Variants in SPATA13 observed in about 807,000 individuals in gnomAD.
The protein encoded by SPATA13 is spermatogenesis associated 13.
A neutral mutation model predicts 104.0 loss-of-function variants in SPATA13; 50 were observed. The ratio of observed to expected loss-of-function variants is 0.48; its 90% CI spans 0.38 to 0.61. SPATA13 has a LOEUF of 0.61. Ranked by LOEUF, SPATA13 falls within the 20% of genes least tolerant of loss-of-function variation. The pLI, the probability that SPATA13 is intolerant of heterozygous loss-of-function variation, is 0.00. For missense variants in SPATA13, 1,524 were observed against 1,690.6 expected (o/e 0.90, Z 1.73); for synonymous variants, 606 against 667.5 (o/e 0.91, Z 1.42).
intron 1 of SPATA13, among the ~76,000 whole-genome samples, chr13:24,181,457 C>G (rs374459486): frequency 6.6e-6 from 1 of 152,100 alleles, no homozygotes; most frequent in Admixed American, 6.5e-5. Context: ...TAGCCTTATT[C>G]TTCTCTACTG....
chr13:24,080,533 C>T (rs886688686), intron 3 of SPATA13, among the ~76,000 whole-genome samples: 5 of 152,218 alleles, frequency 3.3e-5, no homozygotes, highest in Non-Finnish European at 7.3e-5. Flanking sequence ...TGCGCACACA[C>T]AGCAGGTGGG....
intron 1 of SPATA13, among the ~76,000 whole-genome samples, chr13:24,212,931 T>C (rs949664514): frequency 3.3e-5 from 5 of 152,196 alleles, no homozygotes; most frequent in Non-Finnish European, 5.9e-5. Context: ...AGATGTACCA[T>C]GAGGATAGGC....
Position 24,286,071 on chromosome 13 carries a change from A to T in SPATA13, c.2302-143A>T. ...CTGGGTTCTCTTTGTGTAACCAGTCACATAGTCAGTGTGGACCAAATGCCA... is the reference window on the plus strand; with the variant it reads ...CTGGGTTCTCTTTGTGTAACCAGTCTCATAGTCAGTGTGGACCAAATGCCA... On this transcript the variant is annotated intron_variant, in intron 5 of 12. Coordinates refer to ENST00000382108, the MANE Select transcript of SPATA13 (RefSeq NM_001166271.3). The surrounding 1 kb of genome is among the most constrained non-coding windows in gnomAD (Gnocchi z 4.9). The T allele has an allele frequency of 2.9e-6, 2 of 700,842 alleles. No individual in the cohort carries two copies. Among genetic ancestry groups the T allele is most frequent in the Non-Finnish European group, 4.6e-6 (2 of 432,114 alleles). The allele number at this position is 700,842 out of a possible 1,614,324, so 43.4% of individuals were successfully genotyped here. A position where few individuals can be genotyped will look rare whatever the true frequency, so the allele number is the denominator to read the frequency against.
chr13:24,228,295 T>G (rs1872069202), intron 2 of SPATA13, among the ~76,000 whole-genome samples: 1 of 152,022 alleles, frequency 6.6e-6, no homozygotes, highest in Non-Finnish European at 1.5e-5. Flanking sequence ...TTCTATTTTT[T>G]TAGTAGAGAC....
upstream of SPATA13, among the ~76,000 whole-genome samples, chr13:24,157,447 C>T (rs79380529): frequency 2.0e-3 from 311 of 152,230 alleles, 2 homozygotes; most frequent in African/African-American, 6.2e-3. Flanking sequence ...TACAGGCGCC[C>T]GCCACCACGC....
chr13:24,038,689 C>T (rs1167303773), intron 3 of SPATA13, among the ~76,000 whole-genome samples: 5 of 152,134 alleles, frequency 3.3e-5, no homozygotes, highest in South Asian at 4.2e-4. Flanking sequence ...GTTGGCCCCT[C>T]GCATCCAAAC....
intron 3 of SPATA13, among the ~76,000 whole-genome samples, chr13:24,069,319 C>T (rs1263038740): frequency 1.3e-5 from 2 of 152,106 alleles, no homozygotes; most frequent in African/African-American, 2.4e-5. Flanking sequence ...TGTAGTTCTC[C>T]TTGTAAAGAT....
rs374428341 is a variant in SPATA13, at chr13:24,026,670, C to T, written c.-112+8969C>T. ...TCAGCTCACTGCAAGCTCCGCCTCC[C>T]GGGTTCACGCCATTCTTCTGCCTCA... On this transcript the variant is annotated intron_variant, in intron 3 of 14. Transcript: ENST00000424834. Among the ~76,000 whole-genome samples the T allele has an allele frequency of 9.2e-4, 140 of 152,280 alleles. 2 individuals are homozygous for T. The East Asian group carries it at 0.024, about 26-fold the overall frequency.
intron 11 of SPATA13, among the ~76,000 whole-genome samples, chr13:24,298,571 G>A (rs73455753): frequency 1.3e-3 from 204 of 152,252 alleles, no homozygotes; most frequent in African/African-American, 4.8e-3. Context: ...ACAATCTGTT[G>A]AATGGAAGTC....
At chr13:24,293,413 G>T (rs940417195) in intron 9 of SPATA13, among the ~76,000 whole-genome samples, 1 of 152,246 alleles carries the variant, frequency 6.6e-6, no homozygotes, top group Non-Finnish European at 1.5e-5. Context: ...AAAGACGTGG[G>T]CAGGCAGCTT....
intron 3 of SPATA13, among the ~76,000 whole-genome samples, chr13:24,055,436 G>T (rs956507762): frequency 2.0e-5 from 3 of 152,186 alleles, no homozygotes; most frequent in African/African-American, 7.2e-5. Context: ...GATGGAGGAT[G>T]GTAACAGGAC....
intron 3 of SPATA13, among the ~76,000 whole-genome samples, chr13:24,092,716 C>A (rs78885470): frequency 6.6e-6 from 1 of 152,174 alleles, no homozygotes; most frequent in African/African-American, 2.4e-5. Flanking sequence ...TTTCAAACTG[C>A]CACATTTGGC....
chr13:24,006,912 G>T (rs1876259385), intron 2 of SPATA13, among the ~76,000 whole-genome samples: 1 of 152,228 alleles, frequency 6.6e-6, no homozygotes, highest in Non-Finnish European at 1.5e-5. Flanking sequence ...CTCTCTGGAA[G>T]GAGGATGCTG....
At chr13:24,124,908 TG>T (rs1881159982) in intron 3 of SPATA13, among the ~76,000 whole-genome samples, 1 of 152,192 alleles carries the variant, frequency 6.6e-6, no homozygotes, top group Non-Finnish European at 1.5e-5. Flanking sequence ...CCTGCCTGCC[TG>T]CCTAGATCTG....
rs771913988 is a variant in SPATA13, at chr13:24,302,706, C to T, written c.3767C>T (p.Ala1256Val). ...CCCCAGCAGCAGGTCTTTGGCCTGG[C>T]GGAACCCAAGAGGAAGTCCTCGCTC... ...SVPQQQVFGL[A>V]EPKRKSSLFW... Residue 1256 changes from alanine to valine, a missense_variant, in exon 13 of 13, where the codon GCG becomes GTG. By Grantham distance (64) the Ala-to-Val change is moderately conservative. Coordinates refer to ENST00000382108, the MANE Select transcript of SPATA13 (RefSeq NM_001166271.3). The T allele has an allele frequency of 6.8e-6, 11 of 1,614,092 alleles. No individual in the cohort carries two copies. In the East Asian group the frequency reaches 8.9e-5, roughly 13 times the overall value.
intron 2 of SPATA13, among the ~76,000 whole-genome samples, chr13:23,995,103 G>A (rs1875616735): frequency 6.6e-6 from 1 of 152,140 alleles, no homozygotes; most frequent in Non-Finnish European, 1.5e-5. Context: ...CAAACACAAT[G>A]TCCAAAAATG....
intron 1 of SPATA13, among the ~76,000 whole-genome samples, chr13:24,170,861 A>G (rs1489434604): frequency 6.6e-6 from 1 of 152,056 alleles, no homozygotes; most frequent in East Asian, 1.9e-4. Flanking sequence ...TCCGAAAAGT[A>G]TAGGTTTATA....
chr13:24,185,942 T>G (rs1869124651), intron 1 of SPATA13, among the ~76,000 whole-genome samples: 1 of 152,178 alleles, frequency 6.6e-6, no homozygotes, highest in Non-Finnish European at 1.5e-5. Flanking sequence ...GGCTTGAATC[T>G]TATGGCAATC....
At chr13:24,078,324 A>G (rs1475175496) in intron 3 of SPATA13, among the ~76,000 whole-genome samples, 3 of 152,214 alleles carry the variant, frequency 2.0e-5, no homozygotes, top group Non-Finnish European at 4.4e-5. Context: ...TGAAATGGGC[A>G]TGATAGTAGT....
Sources: allele counts gnomAD v4.1 joint callset (sites outside exome capture counted in the v4.1 genomes callset), GRCh38; gene constraint gnomAD v4.1.1; non-coding constraint Gnocchi (gnomAD v3.1); transcripts MANE v1.5; gene names NCBI Gene and HGNC (gene_info 2026-07-23, HGNC 2026-07-21).